SAMD12: variants seen among roughly 807,000 people sequenced by gnomAD.
The protein encoded by SAMD12 is sterile alpha motif domain containing 12, also known as sterile alpha motif domain-containing protein 12.
Under a neutral mutation model 15.0 loss-of-function variants are expected in SAMD12, and 9 were observed. The ratio of observed to expected loss-of-function variants is 0.60; its 90% CI spans 0.36 to 1.05. The LOEUF is 1.05. SAMD12 is among the 50% of genes least tolerant of loss of function. SAMD12 has a pLI of 0.01. For synonymous variants in SAMD12, 86 were observed against 90.1 expected, an observed-to-expected ratio of 0.96 and a Z score of 0.25; for missense variants, 230 against 234.2, an observed-to-expected ratio of 0.98 and a Z score of 0.12.
intron 4 of SAMD12, among the ~76,000 whole-genome samples, chr8:118,227,259 G>A (rs972140055): frequency 2.6e-5 from 4 of 152,060 alleles, no homozygotes; most frequent in African/African-American, 4.8e-5. Context: ...GCAAACTGAC[G>A]CAGGAACAGA....
chr8:118,423,726 G>T (rs558575280), intron 3 of SAMD12, among the ~76,000 whole-genome samples: 1 of 152,162 alleles, frequency 6.6e-6, no homozygotes, highest in East Asian at 1.9e-4. Flanking sequence ...CCACCTCTGG[G>T]CTTGTATAAC....
rs1816249556 is a variant in SAMD12 at position 118,321,149 on chromosome 8, ATATATATATATATATAT to A, written c.433+58394_433+58410del. ...CATATATATCATAGATAATAAATAT[ATATATATATATATATAT>A]ATATATATATATATATATATTCTTC... On this transcript the variant is annotated intron_variant, in intron 4 of 4. Coordinates refer to the SAMD12 transcript ENST00000409003. Among the ~76,000 whole-genome samples, 6 of 12,554 alleles carry A rather than the reference ATATATATATATATATAT, an allele frequency of 4.8e-4. 1 individual carries two copies. The highest frequency in any genetic ancestry group is 8.0e-4 in the Non-Finnish European group (3 of 3,738). 8.2% of individuals were successfully genotyped at this position (12,554 alleles called of 152,430 possible).
At chr8:118,569,486 C>T (rs1028489579) in intron 2 of SAMD12, among the ~76,000 whole-genome samples, 3 of 152,152 alleles carry the variant, frequency 2.0e-5, no homozygotes, top group African/African-American at 7.2e-5. Flanking sequence ...GATACTTAAT[C>T]TGTATAAGTC....
chr8:118,616,906 C>T (rs1243691938), intron 1 of SAMD12, among the ~76,000 whole-genome samples: 1 of 152,188 alleles, frequency 6.6e-6, no homozygotes, highest in Non-Finnish European at 1.5e-5. Context: ...TGTGAGAGAT[C>T]TAGGTTGCAC....
chr8:118,507,891 AC>A (rs1294849778), intron 2 of SAMD12, among the ~76,000 whole-genome samples: 1 of 151,116 alleles, frequency 6.6e-6, no homozygotes, highest in African/African-American at 2.4e-5. Flanking sequence ...AATCCCCAGT[AC>A]CCTGAGGGAG....
chr8:118,592,533 T>C (rs912360191), intron 1 of SAMD12, among the ~76,000 whole-genome samples: 1 of 152,240 alleles, frequency 6.6e-6, no homozygotes, highest in South Asian at 2.1e-4. Context: ...AGAATAATGA[T>C]AACTTCTTTA....
At position 118,407,088 on chromosome 8, in the gene SAMD12, TA is replaced by T. The variant is rs956315203; in HGVS notation, c.323-27389del. On this transcript the variant is annotated intron_variant, in intron 3 of 3. Coordinates refer to ENST00000314727, the MANE Select transcript of SAMD12 (RefSeq NM_207506.3). ...ACTTGTTCCCCCAAAACTATTGAAA[TA>T]AAAAAAAACTATTAAGTAACAACAA... Among the ~76,000 whole-genome samples the T allele has an allele frequency of 1.4e-4, 21 of 151,348 alleles. 1 individual carries two copies. The highest frequency in any genetic ancestry group is 3.6e-4 in the African/African-American group (15 of 41,114).
the SAMD12 span, among the ~76,000 whole-genome samples, chr8:118,138,728 G>A: frequency 6.6e-6 from 1 of 152,198 alleles, no homozygotes; most frequent in Non-Finnish European, 1.5e-5. Context: ...AGGCGAGATG[G>A]CAGGAACTGA....
At chr8:118,348,009 C>T (rs932939802) in intron 4 of SAMD12, among the ~76,000 whole-genome samples, 10 of 152,310 alleles carry the variant, frequency 6.6e-5, no homozygotes, top group Non-Finnish European at 1.2e-4. Context: ...GTCTCAGTTT[C>T]CTTACCTGTA....
Position 118,546,702 on chromosome 8 carries a change from C to T in SAMD12, c.192+34013G>A, listed in dbSNP as rs527591426. 9.9e-5 allele frequency among the ~76,000 whole-genome samples: 15 copies of T among 152,270 alleles called. 1 individual carries two copies. In the East Asian group the frequency reaches 2.5e-3, roughly 25 times the overall value. On this transcript the variant is annotated intron_variant, in intron 2 of 3. Transcript: ENST00000314727. The stretch of plus-strand genomic sequence containing the variant: ...AACCCCGCATTCCTCCATTTAGGCA[C>T]TTCAACTTGTTACATTTGGGAATAG...
chr8:118,553,379 A>G (rs944261020), intron 2 of SAMD12, among the ~76,000 whole-genome samples: 12 of 151,988 alleles, frequency 7.9e-5, no homozygotes, highest in Non-Finnish European at 1.5e-4. Flanking sequence ...ATAACGCCGC[A>G]TATCTACAAC....
chr8:118,280,252 C>A (rs2130153163), intron 4 of SAMD12, among the ~76,000 whole-genome samples: 1 of 152,254 alleles, frequency 6.6e-6, no homozygotes. Context: ...TCAAAATATT[C>A]TTTTTAGTCC....
At chr8:118,478,613 A>C (rs561723661) in intron 2 of SAMD12, among the ~76,000 whole-genome samples, 1 of 152,376 alleles carries the variant, frequency 6.6e-6, no homozygotes, top group Non-Finnish European at 1.5e-5. Context: ...TTAACTTAGC[A>C]AACATCATAC....
intron 4 of SAMD12, among the ~76,000 whole-genome samples, chr8:118,257,503 T>C (rs1445649225): frequency 6.6e-6 from 1 of 152,124 alleles, no homozygotes; most frequent in African/African-American, 2.4e-5. Flanking sequence ...GGTCAGATTG[T>C]CTTGATTTCT....
intron 2 of SAMD12, among the ~76,000 whole-genome samples, chr8:118,535,244 T>C (rs912187837): frequency 6.6e-6 from 1 of 152,174 alleles, no homozygotes; most frequent in African/African-American, 2.4e-5. Flanking sequence ...GTATCACCAG[T>C]GGAGGCTGCA....
intron 4 of SAMD12, among the ~76,000 whole-genome samples, chr8:118,269,234 G>A (rs940709560): frequency 2.0e-5 from 3 of 149,894 alleles, no homozygotes; most frequent in Non-Finnish European, 3.0e-5. Context: ...GTGTGTGTGT[G>A]TGTGTGTGTG....
chr8:118,152,924 A>G, the SAMD12 span, among the ~76,000 whole-genome samples: 4 of 152,258 alleles, frequency 2.6e-5, no homozygotes, highest in African/African-American at 9.6e-5. Context: ...ATTTTTTAAA[A>G]TGGTGACTGA....
At chr8:118,429,583 T>C (rs1022893946) in intron 3 of SAMD12, among the ~76,000 whole-genome samples, 2 of 152,134 alleles carry the variant, frequency 1.3e-5, no homozygotes, top group Non-Finnish European at 2.9e-5. Context: ...GGCCAGGGTC[T>C]TCAGAACAAT....
rs1289294640 is a variant in SAMD12 at position 118,552,639 on chromosome 8, C to A, written c.192+28076G>T. Among the ~76,000 whole-genome samples, 7 of 152,318 alleles carry A rather than the reference C, an allele frequency of 4.6e-5. No individual in the cohort carries two copies. The South Asian group carries it at 1.0e-3, about 23-fold the overall frequency. On this transcript the variant is annotated intron_variant, in intron 2 of 3. Transcript: ENST00000314727. ...CTGGCACAAGACAGGGATGCCCTCTCTCACCACTCCTATTCAATGTAGTGT... is the reference window on the plus strand; with the variant it reads ...CTGGCACAAGACAGGGATGCCCTCTATCACCACTCCTATTCAATGTAGTGT...
Sources: gnomAD v4.1 joint callset for allele counts (sites outside exome capture counted in the v4.1 genomes callset) on GRCh38, gnomAD v4.1.1 for gene constraint, MANE v1.5 for transcripts, NCBI Gene and HGNC (gene_info 2026-07-23, HGNC 2026-07-21) for gene names.